Variants in FRMD3 observed in about 807,000 individuals in gnomAD.
FRMD3 encodes the protein FERM domain containing 3, also known as FERM domain-containing protein 3.
Under a neutral mutation model 70.2 loss-of-function variants are expected in FRMD3, and 33 were observed. The ratio of observed to expected loss-of-function variants is 0.47; its 90% CI spans 0.36 to 0.63. The LOEUF is 0.63. Ranked by LOEUF, FRMD3 falls within the 20% of genes least tolerant of loss-of-function variation. FRMD3 has a pLI of 0.00. For synonymous variants in FRMD3, 279 were observed against 255.9 expected (o/e 1.09, Z -0.86); for missense variants, 632 against 711.4 (o/e 0.89, Z 1.27).
the FRMD3 span, among the ~76,000 whole-genome samples, chr9:83,575,056 C>T: frequency 1.3e-5 from 2 of 152,268 alleles, no homozygotes; most frequent in Non-Finnish European, 2.9e-5. Context: ...CAACATCACC[C>T]TGAAAACACA....
At chr9:83,329,923 C>T (rs577163845) in intron 6 of FRMD3, among the ~76,000 whole-genome samples, 1 of 152,302 alleles carries the variant, frequency 6.6e-6, no homozygotes, top group South Asian at 2.1e-4. Context: ...CCAGCAAAGT[C>T]TATCAGGGTT....
intron 1 of FRMD3, among the ~76,000 whole-genome samples, chr9:83,415,064 G>C (rs575698628): frequency 6.2e-4 from 95 of 152,334 alleles, no homozygotes; most frequent in African/African-American, 2.1e-3. Flanking sequence ...ATTGGAGAGG[G>C]TCAGGCAGAG....
chr9:83,364,569 AAT>A lies in FRMD3; in HGVS notation c.295+8342_295+8343del, dbSNP rs199566928. Among the ~76,000 whole-genome samples, 1,151 of 152,158 alleles carry A rather than the reference AAT, an allele frequency of 7.6e-3. 14 individuals carry two copies. Among genetic ancestry groups the A allele is most frequent in the African/African-American group, 0.027 (1,111 of 41,472 alleles). On this transcript the variant is annotated intron_variant, in intron 3 of 13. Transcript: ENST00000304195. Reference sequence around the variant, plus strand: ...GACCCCATCTCCAAAAAAAAAAAAAAATCAACTCTGTGCAAACAAACAAAGCA... The same window carrying A: ...GACCCCATCTCCAAAAAAAAAAAAAACAACTCTGTGCAAACAAACAAAGCA...
At chr9:83,273,039 C>A (rs1369354342) in intron 13 of FRMD3, among the ~76,000 whole-genome samples, 1 of 86,702 alleles carries the variant, frequency 1.2e-5, no homozygotes, top group Non-Finnish European at 2.3e-5. Flanking sequence ...CCAGCTGCCC[C>A]GTCCGGGAGG....
At chr9:83,492,756 TG>T (rs1397989556) in intron 1 of FRMD3, among the ~76,000 whole-genome samples, 2 of 152,158 alleles carry the variant, frequency 1.3e-5, no homozygotes, top group Non-Finnish European at 2.9e-5. Context: ...ACTCACAATT[TG>T]CATGGGTCTC....
At chr9:83,452,079 G>T (rs1321890893) in intron 1 of FRMD3, among the ~76,000 whole-genome samples, 1 of 152,130 alleles carries the variant, frequency 6.6e-6, no homozygotes, top group Non-Finnish European at 1.5e-5. Context: ...CCTTTTCTGG[G>T]CTCTTAGAAC....
At chr9:83,502,401 C>T (rs1829089013) in intron 1 of FRMD3, among the ~76,000 whole-genome samples, 4 of 152,158 alleles carry the variant, frequency 2.6e-5, no homozygotes, top group Non-Finnish European at 4.4e-5. Flanking sequence ...TGTTCTGAGA[C>T]TTGATATCTG....
At chr9:83,394,083 G>C (rs1825747780) in intron 1 of FRMD3, among the ~76,000 whole-genome samples, 1 of 151,856 alleles carries the variant, frequency 6.6e-6, no homozygotes, top group African/African-American at 2.4e-5. Flanking sequence ...GTTCTGTTTG[G>C]GATTTCTTTA....
chr9:83,248,631 T>C, intron 13 of FRMD3, 115 bp from the exon 14 acceptor site: 1 of 1,104,716 alleles, frequency 9.1e-7, no homozygotes. Context: ...TATGAAATTA[T>C]TCTGTGGTAT....
In FRMD3 at chr9:83,537,587, G is replaced by C. The variant is rs747580779; in HGVS notation, c.147+498C>G. On this transcript the variant is annotated intron_variant, in intron 1 of 13. Transcript: ENST00000304195. The surrounding 1 kb of genome is among the most constrained non-coding windows in gnomAD (Gnocchi z 4.1). ...GGCGGAGGGTGAGGGGGACCGACAC[G>C]GAGCGGAAAGCAGGTTCCGGGACTG... Among the ~76,000 whole-genome samples the C allele has an allele frequency of 5.9e-5, 9 of 152,210 alleles. No homozygotes were observed. Among genetic ancestry groups the C allele is most frequent in the Non-Finnish European group, 1.2e-4 (8 of 68,020 alleles).
downstream of FRMD3, chr9:83,243,247 GGAGA>G (rs1343136989): frequency 1.4e-5 from 22 of 1,547,462 alleles, no homozygotes; most frequent in Non-Finnish European, 1.9e-5. Flanking sequence ...CAAGAGAAAA[GGAGA>G]GAGGGAGAGA....
chr9:83,479,040 A>G (rs4877778), intron 1 of FRMD3, among the ~76,000 whole-genome samples: 1 of 151,902 alleles, frequency 6.6e-6, no homozygotes, highest in Non-Finnish European at 1.5e-5. Context: ...AAGATTATTT[A>G]AAAATTATAT....
At chr9:83,466,743 G>A (rs1046901135) in intron 1 of FRMD3, among the ~76,000 whole-genome samples, 1 of 152,200 alleles carries the variant, frequency 6.6e-6, no homozygotes, top group Non-Finnish European at 1.5e-5. Context: ...GTGATTCCCT[G>A]TGAGCAGTTT....
chr9:83,304,320 T>C (rs1392570323), intron 10 of FRMD3, among the ~76,000 whole-genome samples: 1 of 152,200 alleles, frequency 6.6e-6, no homozygotes, highest in Admixed American at 6.5e-5. Context: ...GTTAATGTAG[T>C]CAGGATTGAG....
intron 1 of FRMD3, among the ~76,000 whole-genome samples, chr9:83,519,514 A>G (rs1829525248): frequency 6.6e-6 from 1 of 152,250 alleles, no homozygotes; most frequent in Non-Finnish European, 1.5e-5. Flanking sequence ...GAGGATGTGG[A>G]GAAATAGGAA....
At position 83,245,011 on chromosome 9, in the gene FRMD3, G is replaced by A; in HGVS notation, c.*2907C>T. On this transcript the variant is annotated 3_prime_UTR_variant, in exon 14 of 14. Transcript: ENST00000304195. Reference sequence around the variant, plus strand: ...TATATATTTATTTATATCCACAAATGTACACTCAGTGGCATTTATGGAAAA... The same window carrying A: ...TATATATTTATTTATATCCACAAATATACACTCAGTGGCATTTATGGAAAA... 1 of 984,534 alleles carries A rather than the reference G, an allele frequency of 1.0e-6. No individual in the cohort carries two copies. Among genetic ancestry groups the A allele is most frequent in the Non-Finnish European group, 1.2e-6 (1 of 829,204 alleles). The allele number at this position is 984,534 out of a possible 1,614,324, so 61.0% of individuals were successfully genotyped here.
chr9:83,328,142 T>G (rs944376396), intron 6 of FRMD3, among the ~76,000 whole-genome samples: 1 of 151,556 alleles, frequency 6.6e-6, no homozygotes, highest in African/African-American at 2.4e-5. Context: ...TGTGTAGCCT[T>G]GGATAAGTTA....
intron 1 of FRMD3, among the ~76,000 whole-genome samples, chr9:83,425,167 T>C (rs140791923): frequency 1.3e-5 from 2 of 152,340 alleles, no homozygotes; most frequent in African/African-American, 4.8e-5. Flanking sequence ...AACCAGTATG[T>C]TCATTATTTA....
Position 83,538,031 on chromosome 9 carries a change from C to T in FRMD3, c.147+54G>A, listed in dbSNP as rs1240207043. 2 of 1,596,280 alleles carry T rather than the reference C, an allele frequency of 1.3e-6. No homozygotes were observed. The highest frequency in any genetic ancestry group is 1.7e-6 in the Non-Finnish European group (2 of 1,168,830). On this transcript the variant is annotated intron_variant, in intron 1 of 13. Coordinates refer to ENST00000304195, the MANE Select transcript of FRMD3 (RefSeq NM_174938.6). This position sits in a 1 kb window ranked among gnomAD's most constrained non-coding sequence, Gnocchi z 4.7. ...GTTCTCGCATGCCCACCGCAAAGGC[C>T]CCCCGCCCTGCTCCCGGCGTGTGCC...
Sources: allele counts gnomAD v4.1 joint callset (sites outside exome capture counted in the v4.1 genomes callset), GRCh38; gene constraint gnomAD v4.1.1; non-coding constraint Gnocchi (gnomAD v3.1); transcripts MANE v1.5; gene names NCBI Gene and HGNC (gene_info 2026-07-23, HGNC 2026-07-21).